Variants in MREG observed in about 807,000 individuals in gnomAD.
The protein encoded by MREG is dilute suppressor protein homolog.
A neutral mutation model predicts 28.5 loss-of-function variants in MREG; 31 were observed. The observed-to-expected ratio is 1.09, with a 90% CI of 0.82 to 1.47. The LOEUF is 1.47. MREG is among the 40% of genes most tolerant of loss of function. MREG has a pLI of 0.00. For missense variants in MREG, 256 were observed against 257.4 expected (o/e 0.99, Z 0.04); for synonymous variants, 106 against 95.2 (o/e 1.11, Z -0.66).
At chr2:216,031,335 A>G (rs1559203722) in intron 1 of MREG, among the ~76,000 whole-genome samples, 1 of 152,060 alleles carries the variant, frequency 6.6e-6, no homozygotes, top group East Asian at 1.9e-4. Context: ...TCAAGCCAAG[A>G]GGCAGAGGTT....
chr2:215,969,336 A>T (rs1401558855), intron 2 of MREG, among the ~76,000 whole-genome samples: 1 of 152,200 alleles, frequency 6.6e-6, no homozygotes, highest in East Asian at 1.9e-4. Context: ...CAAAGCACTG[A>T]CCCATGATCA....
chr2:215,985,531 T>TCA (rs1693544728), intron 2 of MREG, among the ~76,000 whole-genome samples: 1 of 152,248 alleles, frequency 6.6e-6, no homozygotes, highest in Non-Finnish European at 1.5e-5. Context: ...TAATGTTGTT[T>TCA]TGTATTTTTT....
At chr2:216,022,947 G>A (rs779601725) in intron 1 of MREG, among the ~76,000 whole-genome samples, 2 of 152,196 alleles carry the variant, frequency 1.3e-5, no homozygotes, top group Non-Finnish European at 2.9e-5. Context: ...TATGAAAGGC[G>A]ACCGGAGGCT....
At chr2:216,007,703 T>C (rs1443097515) in intron 1 of MREG, among the ~76,000 whole-genome samples, 2 of 151,170 alleles carry the variant, frequency 1.3e-5, no homozygotes, top group Non-Finnish European at 2.9e-5. Flanking sequence ...GTGCTGGGAT[T>C]ACAGGTGTGA....
At chr2:216,010,024 T>A (rs1157940140) in intron 1 of MREG, among the ~76,000 whole-genome samples, 4 of 152,182 alleles carry the variant, frequency 2.6e-5, no homozygotes, top group Non-Finnish European at 4.4e-5. Flanking sequence ...ATTATGACCT[T>A]ATTTGAAAAC....
At chr2:215,988,673 T>G (rs1012749374) in intron 2 of MREG, among the ~76,000 whole-genome samples, 3 of 152,182 alleles carry the variant, frequency 2.0e-5, no homozygotes, top group Non-Finnish European at 4.4e-5. Flanking sequence ...CACAGCAGTC[T>G]GAAGTTGACC....
intron 2 of MREG, among the ~76,000 whole-genome samples, chr2:215,973,769 C>G (rs1330606819): frequency 6.6e-6 from 1 of 152,198 alleles, no homozygotes; most frequent in African/African-American, 2.4e-5. Context: ...TGTGCTGCAA[C>G]AGGCTGACTC....
At chr2:216,020,309 G>T (rs1052897304) in intron 1 of MREG, among the ~76,000 whole-genome samples, 1 of 152,178 alleles carries the variant, frequency 6.6e-6, no homozygotes, top group African/African-American at 2.4e-5. Flanking sequence ...ACTGGATCCA[G>T]GCCCTCCAAA....
intron 2 of MREG, among the ~76,000 whole-genome samples, chr2:215,978,547 T>C (rs962548012): frequency 2.6e-5 from 4 of 152,324 alleles, no homozygotes; most frequent in African/African-American, 9.6e-5. Context: ...GCCAGCATCA[T>C]CCTGAAACCA....
intron 2 of MREG, among the ~76,000 whole-genome samples, chr2:215,951,222 G>A (rs965226809): frequency 2.0e-5 from 3 of 152,096 alleles, no homozygotes; most frequent in Admixed American, 6.6e-5. Flanking sequence ...AATACAGATC[G>A]AAATGCAGCA....
chr2:215,949,321 A>G (rs1402488561), intron 2 of MREG, among the ~76,000 whole-genome samples: 1 of 151,082 alleles, frequency 6.6e-6, no homozygotes. Context: ...GCACTTTGGG[A>G]GGCTGAGGCG....
At position 216,024,645 on chromosome 2, in the gene MREG, G is replaced by A. The variant is rs191051091; in HGVS notation, c.-68+8144C>T. Among the ~76,000 whole-genome samples, 91 of 151,738 alleles carry A rather than the reference G, an allele frequency of 6.0e-4. 1 individual carries two copies. Among genetic ancestry groups the A allele is most frequent in the Admixed American group, 5.6e-3 (86 of 15,248 alleles). On this transcript the variant is annotated intron_variant, in intron 1 of 3. Transcript: ENST00000420348. Reference sequence around the variant, plus strand: ...TCCCAGCATTTTGGGAGGCCGAGGCGGGTGGATCACCTGAGGTTAGGAGTT... The same window carrying A: ...TCCCAGCATTTTGGGAGGCCGAGGCAGGTGGATCACCTGAGGTTAGGAGTT...
intron 2 of MREG, among the ~76,000 whole-genome samples, chr2:215,968,044 A>C (rs1000540227): frequency 7.2e-5 from 11 of 152,220 alleles, no homozygotes; most frequent in Non-Finnish European, 1.0e-4. Context: ...TAAAAGCTAC[A>C]TCACCTCTTC....
At chr2:215,990,109 T>C (rs573009360) in intron 2 of MREG, among the ~76,000 whole-genome samples, 10 of 151,926 alleles carry the variant, frequency 6.6e-5, no homozygotes, top group Admixed American at 3.3e-4. Flanking sequence ...TTCACCAAGG[T>C]TGAAATGAAG....
chr2:216,028,629 G>C (rs1694633597), intron 1 of MREG, among the ~76,000 whole-genome samples: 1 of 151,370 alleles, frequency 6.6e-6, no homozygotes, highest in African/African-American at 2.4e-5. Context: ...ATGTGTGATA[G>C]CTGACATAGA....
At chr2:215,952,502 G>A (rs1226635181) in intron 2 of MREG, among the ~76,000 whole-genome samples, 1 of 152,050 alleles carries the variant, frequency 6.6e-6, no homozygotes, top group African/African-American at 2.4e-5. Flanking sequence ...CACAACATCT[G>A]ATTCTCATCT....
At chr2:216,024,972 GGAAAAA>G (rs990511487) in intron 1 of MREG, among the ~76,000 whole-genome samples, 14 of 143,838 alleles carry the variant, frequency 9.7e-5, no homozygotes, top group South Asian at 2.2e-4. Flanking sequence ...GGAAAGGAAA[GGAAAAA>G]GGAAAAGGAA....
At chr2:216,022,542 A>G (rs1279258426) in intron 1 of MREG, among the ~76,000 whole-genome samples, 3 of 152,106 alleles carry the variant, frequency 2.0e-5, no homozygotes, top group African/African-American at 7.2e-5. Flanking sequence ...ATCTCTAACT[A>G]TACTCCTATA....
intron 2 of MREG, among the ~76,000 whole-genome samples, chr2:215,981,912 C>T (rs1693436255): frequency 6.6e-6 from 1 of 152,190 alleles, no homozygotes; most frequent in South Asian, 2.1e-4. Flanking sequence ...TTCTTCACCA[C>T]CACACATCCT....
Sources: gnomAD v4.1 joint callset for allele counts (sites outside exome capture counted in the v4.1 genomes callset) on GRCh38, gnomAD v4.1.1 for gene constraint, MANE v1.5 for transcripts, NCBI Gene and HGNC (gene_info 2026-07-23, HGNC 2026-07-21) for gene names.